PPARGC1A: variants seen among roughly 807,000 people sequenced by gnomAD.
PPARGC1A encodes PPARG coactivator 1 alpha, also known as peroxisome proliferator-activated receptor gamma coactivator 1-alpha.
PPARGC1A carries 25 observed loss-of-function variants against 88.7 expected under a neutral mutation model. That is an observed-to-expected ratio of 0.28 (90% CI 0.21 to 0.39). The LOEUF (loss-of-function observed/expected upper bound fraction) is 0.39. PPARGC1A is among the 10% of genes least tolerant of loss of function. The probability of loss-of-function intolerance (pLI) is 1.00; values close to 1 mark genes in which losing one functional copy is unlikely to be tolerated. For synonymous variants in PPARGC1A, 363 were observed against 355.6 expected, an observed-to-expected ratio of 1.02 and a Z score of -0.24; for missense variants, 880 against 968.7, an observed-to-expected ratio of 0.91 and a Z score of 1.22.
the PPARGC1A span, among the ~76,000 whole-genome samples, chr4:23,998,686 C>G: frequency 6.6e-6 from 1 of 152,162 alleles, no homozygotes; most frequent in Non-Finnish European, 1.5e-5. Context: ...AATTTTGTCT[C>G]TTTAAAATTT....
chr4:24,178,989 T>G, the PPARGC1A span, among the ~76,000 whole-genome samples: 1 of 152,224 alleles, frequency 6.6e-6, no homozygotes, highest in Non-Finnish European at 1.5e-5. Context: ...CTTCATTTTT[T>G]TGTTAATAAC....
At chr4:24,191,005 C>T in the PPARGC1A span, among the ~76,000 whole-genome samples, 3 of 152,268 alleles carry the variant, frequency 2.0e-5, no homozygotes, top group Non-Finnish European at 2.9e-5. Context: ...TCAGATTCCA[C>T]GAGATAAAAG....
chr4:24,068,002 T>TTG, the PPARGC1A span, among the ~76,000 whole-genome samples: 1,026 of 151,318 alleles, frequency 6.8e-3, 11 homozygotes, highest in African/African-American at 0.023. Context: ...ATGTGTGTGC[T>TTG]TGTGTGTGTG....
the PPARGC1A span, among the ~76,000 whole-genome samples, chr4:24,294,177 G>T: frequency 6.6e-6 from 1 of 152,142 alleles, no homozygotes; most frequent in East Asian, 1.9e-4. Flanking sequence ...TCAGGGGCCC[G>T]TTGCCCAGGA....
chr4:24,171,209 C>A, the PPARGC1A span, among the ~76,000 whole-genome samples: 1 of 152,116 alleles, frequency 6.6e-6, no homozygotes, highest in Non-Finnish European at 1.5e-5. Context: ...GGATCGAGAC[C>A]ATCCTGGCCA....
At chr4:24,415,053 A>G in the PPARGC1A span, among the ~76,000 whole-genome samples, 2 of 152,058 alleles carry the variant, frequency 1.3e-5, no homozygotes, top group Non-Finnish European at 2.9e-5. Flanking sequence ...AGCTGAGTGC[A>G]GTGGCATGCA....
intron 2 of PPARGC1A, among the ~76,000 whole-genome samples, chr4:23,842,096 C>T (rs577428742): frequency 6.6e-6 from 1 of 152,146 alleles, no homozygotes; most frequent in East Asian, 1.9e-4. Context: ...GCTATTTTAT[C>T]TTCATATTGG....
At chr4:24,155,439 A>G in the PPARGC1A span, among the ~76,000 whole-genome samples, 1 of 151,900 alleles carries the variant, frequency 6.6e-6, no homozygotes, top group South Asian at 2.1e-4. Flanking sequence ...CCTGGGCAAC[A>G]TGGCAAAGCC....
At chr4:24,149,538 C>A in the PPARGC1A span, among the ~76,000 whole-genome samples, 6 of 152,106 alleles carry the variant, frequency 3.9e-5, no homozygotes, top group Non-Finnish European at 8.8e-5. Context: ...TTTAGGGAAT[C>A]AATTTGCTGC....
At chr4:24,333,208 C>G in the PPARGC1A span, among the ~76,000 whole-genome samples, 1 of 152,010 alleles carries the variant, frequency 6.6e-6, no homozygotes, top group Non-Finnish European at 1.5e-5. Context: ...TGTGCTGCTG[C>G]ACTCCAGCCT....
At chr4:24,265,853 GAA>G in the PPARGC1A span, among the ~76,000 whole-genome samples, 2 of 151,814 alleles carry the variant, frequency 1.3e-5, no homozygotes, top group Non-Finnish European at 2.9e-5. Flanking sequence ...AGAATAGAGA[GAA>G]AGAGAGAGAA....
chr4:23,950,452 C>T, the PPARGC1A span, among the ~76,000 whole-genome samples: 2 of 152,018 alleles, frequency 1.3e-5, no homozygotes, highest in Admixed American at 1.3e-4. Context: ...AAGCATCGGT[C>T]GATGCAAGTA....
At chr4:23,931,436 T>A in the PPARGC1A span, among the ~76,000 whole-genome samples, 1 of 150,622 alleles carries the variant, frequency 6.6e-6, no homozygotes, top group African/African-American at 2.4e-5. Context: ...CGCCCTGACT[T>A]TTTTTTTTAC....
the PPARGC1A span, among the ~76,000 whole-genome samples, chr4:23,979,415 T>C: frequency 6.6e-6 from 1 of 152,208 alleles, no homozygotes; most frequent in East Asian, 1.9e-4. Context: ...TAATGGCTTC[T>C]GCATCTACAT....
chr4:23,973,008 A>G, the PPARGC1A span, among the ~76,000 whole-genome samples: 6 of 152,268 alleles, frequency 3.9e-5, no homozygotes, highest in East Asian at 1.2e-3. Flanking sequence ...TTATTATTCA[A>G]TTGCAGGGAT....
chr4:24,408,058 T>C, the PPARGC1A span, among the ~76,000 whole-genome samples: 1 of 152,152 alleles, frequency 6.6e-6, no homozygotes, highest in South Asian at 2.1e-4. Flanking sequence ...TGTGATGCAA[T>C]TAGACATACA....
At chr4:24,108,343 G>T in the PPARGC1A span, among the ~76,000 whole-genome samples, 1 of 152,128 alleles carries the variant, frequency 6.6e-6, no homozygotes, top group Non-Finnish European at 1.5e-5. Context: ...AAAAACTAGG[G>T]TTTCTTCTAT....
chr4:23,912,748 C>T, the PPARGC1A span, among the ~76,000 whole-genome samples: 2 of 151,872 alleles, frequency 1.3e-5, no homozygotes, highest in East Asian at 3.9e-4. Flanking sequence ...GCCTGCCCTA[C>T]CAATTGTAGC....
At chr4:24,340,033 G>A in the PPARGC1A span, among the ~76,000 whole-genome samples, 4 of 152,076 alleles carry the variant, frequency 2.6e-5, no homozygotes, top group Admixed American at 6.5e-5. Context: ...CACCGTGCCC[G>A]GCCTAGGTTT....
Sources: gnomAD v4.1 joint callset for allele counts (sites outside exome capture counted in the v4.1 genomes callset) on GRCh38, gnomAD v4.1.1 for gene constraint, MANE v1.5 for transcripts, NCBI Gene and HGNC (gene_info 2026-07-23, HGNC 2026-07-21) for gene names.